SCAF8: variants seen among roughly 807,000 people sequenced by gnomAD.
SCAF8 encodes the protein SR-related and CTD-associated factor 8.
Under a neutral mutation model 140.5 loss-of-function variants are expected in SCAF8, and 23 were observed. That is an observed-to-expected ratio of 0.16 (90% CI 0.12 to 0.23). The LOEUF (loss-of-function observed/expected upper bound fraction) is 0.23. SCAF8 is among the 10% of genes least tolerant of loss of function. The pLI is 1.00. For missense variants in SCAF8, 1,397 were observed against 1,555.7 expected (o/e 0.90, Z 1.72); for synonymous variants, 575 against 528.9 (o/e 1.09, Z -1.20).
intron 1 of SCAF8, among the ~76,000 whole-genome samples, chr6:154,758,244 T>C (rs1779015309): frequency 1.3e-5 from 2 of 152,268 alleles, no homozygotes; most frequent in South Asian, 4.1e-4. Context: ...ACATTTTTAA[T>C]ATTATGTTGT....
chr6:154,825,129 T>C (rs182480040), intron 17 of SCAF8: 2 of 152,190 alleles, frequency 1.3e-5, no homozygotes, highest in Non-Finnish European at 2.9e-5. Context: ...AAAAGGCTAA[T>C]TGAATTTGTA....
At chr6:154,789,746 C>T (rs1777360019) in intron 4 of SCAF8, among the ~76,000 whole-genome samples, 1 of 152,060 alleles carries the variant, frequency 6.6e-6, no homozygotes, top group South Asian at 2.1e-4. Context: ...AGGGTTTCAC[C>T]GTGTTAGCCA....
intron 13 of SCAF8, among the ~76,000 whole-genome samples, 161 bp downstream of exon 13, chr6:154,815,977 G>A (rs1379020876): frequency 2.6e-5 from 4 of 152,172 alleles, no homozygotes; most frequent in Non-Finnish European, 5.9e-5. Flanking sequence ...TTATTTTGGT[G>A]CTGTTTCTCT....
rs1180331978 is a variant in SCAF8, at chr6:154,744,751, TC to T, written c.30+10822del. On this transcript the variant is annotated intron_variant, in intron 1 of 19. Transcript: ENST00000367178. Reference sequence around the variant, plus strand: ...AAATACAAATTTATTTTTTCCTCATTCTTTTTATAACTTCACCTTCATAGAA... The same window carrying T: ...AAATACAAATTTATTTTTTCCTCATTTTTTTATAACTTCACCTTCATAGAA... Among the ~76,000 whole-genome samples the T allele has an allele frequency of 7.2e-5, 11 of 152,332 alleles. No individual in the cohort carries two copies. The South Asian group carries it at 2.3e-3, about 32-fold the overall frequency.
chr6:154,820,790 A>G (rs1778399283), intron 15 of SCAF8, among the ~76,000 whole-genome samples: 1 of 152,182 alleles, frequency 6.6e-6, no homozygotes, highest in Admixed American at 6.5e-5. Context: ...TGCCTTTTAC[A>G]ATACCAAATA....
At chr6:154,815,166 G>A (rs573601412) in intron 12 of SCAF8, among the ~76,000 whole-genome samples, 1 of 152,108 alleles carries the variant, frequency 6.6e-6, no homozygotes, top group Non-Finnish European at 1.5e-5. Flanking sequence ...GTGTGGTGGC[G>A]GGCGCCTGTA....
intron 1 of SCAF8, among the ~76,000 whole-genome samples, chr6:154,739,866 G>C (rs1047499389): frequency 1.3e-5 from 2 of 152,114 alleles, no homozygotes; most frequent in African/African-American, 4.8e-5. Context: ...ACATGGCTTG[G>C]TAGAGAAAAG....
intron 12 of SCAF8, among the ~76,000 whole-genome samples, chr6:154,815,209 A>C (rs1377055055): frequency 6.6e-6 from 1 of 152,216 alleles, no homozygotes; most frequent in Non-Finnish European, 1.5e-5. Context: ...AGGCAGGAGA[A>C]TGGCATGAAC....
At chr6:154,769,062 C>CAAAA (rs56383173) in intron 1 of SCAF8, among the ~76,000 whole-genome samples, 1 of 96,786 alleles carries the variant, frequency 1.0e-5, no homozygotes, top group Admixed American at 1.1e-4. Context: ...GACACTGTCT[C>CAAAA]AAAAAAAAAA....
intron 6 of SCAF8, among the ~76,000 whole-genome samples, chr6:154,801,392 G>A (rs1169879749): frequency 2.0e-5 from 3 of 151,306 alleles, no homozygotes; most frequent in Non-Finnish European, 4.4e-5. Context: ...TTTATTTCTG[G>A]AATGTATATA....
At chr6:154,749,975 A>G (rs1778799006) in intron 1 of SCAF8, among the ~76,000 whole-genome samples, 2 of 152,114 alleles carry the variant, frequency 1.3e-5, no homozygotes, top group African/African-American at 4.8e-5. Flanking sequence ...GTAGAAGTTT[A>G]GTAATAATAG....
At chr6:154,742,650 G>C (rs1260207804) in intron 1 of SCAF8, among the ~76,000 whole-genome samples, 1 of 152,092 alleles carries the variant, frequency 6.6e-6, no homozygotes, top group African/African-American at 2.4e-5. Context: ...AAGAGTTTCT[G>C]ATACAGCCAT....
chr6:154,832,362 C>T lies in SCAF8; in HGVS notation c.2783C>T (p.Pro928Leu), dbSNP rs752002711. Residue 928 changes from proline to leucine, a missense_variant, in exon 20 of 20, where the codon CCG becomes CTG. By Grantham distance (98) the Pro-to-Leu change is moderately conservative. Around this residue, in one of 5 missense-constraint regions of SCAF8, gnomAD observed 930 missense variants for 874.6 expected, o/e 1.06. Coordinates refer to ENST00000367178, the MANE Select transcript of SCAF8 (RefSeq NM_014892.5). ...ACAATGCCAATGTTAGACATTCGTCCGGGACTAATACCACAGGCACCTGGG... is the reference window on the plus strand; with the variant it reads ...ACAATGCCAATGTTAGACATTCGTCTGGGACTAATACCACAGGCACCTGGG... The part of the protein sequence containing the change: ...MPTMPMLDIR[P>L]GLIPQAPGPR... The T allele has an allele frequency of 1.2e-5, 19 of 1,613,930 alleles. No individual in the cohort carries two copies. Among genetic ancestry groups the T allele is most frequent in the East Asian group, 6.7e-5 (3 of 44,882 alleles).
chr6:154,739,213 A>G (rs951809293), intron 1 of SCAF8, among the ~76,000 whole-genome samples: 1 of 152,026 alleles, frequency 6.6e-6, no homozygotes, highest in African/African-American at 2.4e-5. Flanking sequence ...GCTTTTCTTG[A>G]ACTCCCGGCC....
chr6:154,811,973 A>G (rs116817575), intron 12 of SCAF8, among the ~76,000 whole-genome samples: 2 of 152,090 alleles, frequency 1.3e-5, no homozygotes, highest in East Asian at 3.9e-4. Flanking sequence ...AATCTTTGCT[A>G]CTGTGAGTAG....
intron 1 of SCAF8, among the ~76,000 whole-genome samples, chr6:154,736,739 T>C (rs1778432331): frequency 6.6e-6 from 1 of 151,804 alleles, no homozygotes; most frequent in South Asian, 2.1e-4. Flanking sequence ...GTGTTTCACC[T>C]GTTTTCTCAT....
chr6:154,733,473 G>A lies in SCAF8; in HGVS notation c.-428G>A. The A allele has an allele frequency of 7.4e-7, 1 of 1,358,930 alleles. No individual in the cohort carries two copies. The highest frequency in any genetic ancestry group is 3.1e-5 in the East Asian group (1 of 32,614). The allele number at this position is 1,358,930 out of a possible 1,614,324, so 84.2% of individuals were successfully genotyped here. Reference sequence around the variant, plus strand: ...TTCCTCCTCTGTCTTCGCCGAGCGGGGCTGGTTCCTGCGGCCCGAGCGGCG... The same window carrying A: ...TTCCTCCTCTGTCTTCGCCGAGCGGAGCTGGTTCCTGCGGCCCGAGCGGCG... On this transcript the variant is annotated 5_prime_UTR_variant, in exon 1 of 20. Coordinates refer to ENST00000367178, the MANE Select transcript of SCAF8 (RefSeq NM_014892.5).
intron 1 of SCAF8, among the ~76,000 whole-genome samples, chr6:154,743,563 G>A (rs1778625042): frequency 6.6e-6 from 1 of 152,176 alleles, no homozygotes; most frequent in Non-Finnish European, 1.5e-5. Context: ...TGAATTTGAT[G>A]TGATTCCTCA....
chr6:154,825,654 T>TAAAAAAA (rs1778544893), intron 17 of SCAF8, among the ~76,000 whole-genome samples: 1 of 28,482 alleles, frequency 3.5e-5, no homozygotes, highest in South Asian at 1.8e-3. Context: ...AGACCTTGTC[T>TAAAAAAA]CAAAAAAAAA....
Sources: gnomAD v4.1 joint callset for allele counts (sites outside exome capture counted in the v4.1 genomes callset) on GRCh38, gnomAD v4.1.1 for gene constraint, gnomAD v4.1.1 regional missense constraint, MANE v1.5 for transcripts, NCBI Gene and HGNC (gene_info 2026-07-23, HGNC 2026-07-21) for gene names.